PGLYRP2: variants seen among roughly 807,000 people sequenced by gnomAD.
The protein encoded by PGLYRP2 is peptidoglycan recognition protein 2, also known as N-acetylmuramoyl-L-alanine amidase.
PGLYRP2 carries 38 observed loss-of-function variants against 46.2 expected under a neutral mutation model. The ratio of observed to expected loss-of-function variants is 0.82; its 90% confidence interval spans 0.64 to 1.08. The LOEUF (loss-of-function observed/expected upper bound fraction) is 1.08, where lower values mean the gene tolerates loss of function less well. Among genes scored for constraint, PGLYRP2 ranks in the 50% least tolerant of loss-of-function variants. PGLYRP2 has a pLI of 0.00. For missense variants in PGLYRP2, 713 were observed against 755.9 expected, an observed-to-expected ratio of 0.94 and a Z score of 0.67; for synonymous variants, 289 against 329.4, an observed-to-expected ratio of 0.88 and a Z score of 1.33.
In PGLYRP2 at chr19:15,477,726, TTAAAA is replaced by T. The variant is rs55707700; in HGVS notation, c.62-1123_62-1119del. Reference sequence around the variant, plus strand: ...ATAAAATAAATAAAATAAAATTAAATTAAAATAAAATAAAATAAAATAAAATAGCC... The same window carrying T: ...ATAAAATAAATAAAATAAAATTAAATTAAAATAAAATAAAATAAAATAGCC... On this transcript the variant is annotated intron_variant, in intron 1 of 4. Coordinates refer to ENST00000340880, the MANE Select transcript of PGLYRP2 (RefSeq NM_052890.4). Among the ~76,000 whole-genome samples the T allele has an allele frequency of 7.9e-3, 1,137 of 144,394 alleles. 21 individuals are homozygous for T. Among genetic ancestry groups the T allele is most frequent in the African/African-American group, 0.027 (1,058 of 39,034 alleles). 94.7% of individuals were successfully genotyped at this position (144,394 alleles called of 152,430 possible). A position where few individuals can be genotyped will look rare whatever the true frequency, so the allele number is the denominator to read the frequency against.
At chr19:15,471,795 C>T (rs754926642) in intron 3 of PGLYRP2, 95 bp downstream of exon 3, 6 of 1,385,096 alleles carry the variant, frequency 4.3e-6, no homozygotes, top group East Asian at 4.9e-5. Flanking sequence ...CAGCTTTCCT[C>T]GGGTTCAAGC....
At position 15,476,244 on chromosome 19, in the gene PGLYRP2, C is replaced by T. The variant is rs762675911; in HGVS notation, c.426G>A (p.Leu142=). ...TCTCCCAAGGGGCAGCCATGCTGTC[C>T]AAGGGCAAATTTATGACCCTGCGCC... ...LQGRRVINLP[L]DSMAAPWETG... The change falls in exon 2 of 5, where the codon TTG becomes TTA. Residue 142 remains leucine (L), a synonymous_variant. Coordinates refer to ENST00000340880, the MANE Select transcript of PGLYRP2 (RefSeq NM_052890.4). 11 of 1,614,030 alleles carry T rather than the reference C, an allele frequency of 6.8e-6. No individual in the cohort carries two copies. The Admixed American group carries it at 8.3e-5, about 12-fold the overall frequency.
chr19:15,479,032 T>G (rs1256400882), intron 1 of PGLYRP2, among the ~76,000 whole-genome samples: 6 of 152,182 alleles, frequency 3.9e-5, no homozygotes, highest in Non-Finnish European at 8.8e-5. Context: ...ATGCCCTTTC[T>G]GGCTTCTCCC....
intron 1 of PGLYRP2, among the ~76,000 whole-genome samples, chr19:15,476,904 A>G (rs1970802934): frequency 6.6e-6 from 1 of 152,094 alleles, no homozygotes; most frequent in South Asian, 2.1e-4. Flanking sequence ...TGCCATAAGG[A>G]AATGGATTTT....
intron 2 of PGLYRP2, among the ~76,000 whole-genome samples, chr19:15,473,791 A>T (rs1395440520): frequency 6.6e-6 from 1 of 151,738 alleles, no homozygotes; most frequent in Non-Finnish European, 1.5e-5. Flanking sequence ...CCCAGAATTT[A>T]CAAGGAACTC....
chr19:15,473,113 G>A (rs867751472), intron 2 of PGLYRP2, among the ~76,000 whole-genome samples: 1 of 152,246 alleles, frequency 6.6e-6, no homozygotes, highest in Middle Eastern at 3.4e-3. Context: ...TAATGGTGCT[G>A]GGACAACTGG....
chr19:15,476,366 C>T lies in PGLYRP2; in HGVS notation c.304G>A (p.Val102Ile), dbSNP rs749892721. ...GLTKEVARHD[V>I]REGKEYGVVL... ...ACCCCATATTCCTTCCCTTCTCGTA[C>T]GTCATGTCGGGCCACCTCCTTGGTC... Residue 102 changes from valine to isoleucine, a missense_variant, in exon 2 of 5, where the codon GTA becomes ATA. Coordinates refer to ENST00000340880, the MANE Select transcript of PGLYRP2 (RefSeq NM_052890.4). 39 of 1,614,118 alleles carry T rather than the reference C, an allele frequency of 2.4e-5. No homozygotes were observed. The highest frequency in any genetic ancestry group is 1.7e-4 in the African/African-American group (13 of 75,038).
chr19:15,472,154 C>G, intron 2 of PGLYRP2, 54 bp from the exon 3 acceptor site: 1 of 1,460,404 alleles, frequency 6.8e-7, no homozygotes, highest in Non-Finnish European at 9.3e-7. Flanking sequence ...CTGCCTGTTC[C>G]TCCACCCGCA....
intron 1 of PGLYRP2, 37 bp from the exon 2 acceptor site, chr19:15,476,645 C>T (rs930350122): frequency 2.0e-6 from 3 of 1,486,020 alleles, no homozygotes; most frequent in Non-Finnish European, 2.7e-6. Flanking sequence ...CAGCCCCACC[C>T]ATTCCTGAGC....
intron 4 of PGLYRP2, chr19:15,468,959 C>A: frequency 1.9e-6 from 1 of 517,258 alleles, no homozygotes; most frequent in Admixed American, 3.6e-5. Flanking sequence ...ACGAGATTGT[C>A]CAGGTGTGAT....
chr19:15,472,594 C>T (rs1407840710), intron 2 of PGLYRP2, among the ~76,000 whole-genome samples: 1 of 148,074 alleles, frequency 6.8e-6, no homozygotes, highest in Non-Finnish European at 1.5e-5. Flanking sequence ...CTCTGTCCCC[C>T]CCAAAAAAAA....
chr19:15,475,734 T>C lies in PGLYRP2; in HGVS notation c.936A>G (p.Pro312=). ...QYYGAGVARD[P]GFRSNFRRQN... ...GCCGTCGGAAGTTGCTGCGGAACCC[T>C]GGGTCTCTGGCCACCCCAGCCCCAT... The change falls in exon 2 of 5, where the codon CCA becomes CCG. Residue 312 remains proline (P), a synonymous_variant. Transcript: ENST00000340880. The C allele has an allele frequency of 6.2e-7, 1 of 1,613,986 alleles. No individual in the cohort carries two copies. The highest frequency in any genetic ancestry group is 8.5e-7 in the Non-Finnish European group (1 of 1,179,914).
intron 2 of PGLYRP2, among the ~76,000 whole-genome samples, chr19:15,472,873 A>G (rs570209802): frequency 1.3e-5 from 2 of 152,202 alleles, no homozygotes; most frequent in Admixed American, 6.6e-5. Flanking sequence ...CCCAAATAGC[A>G]AAAGCAATTC....
chr19:15,476,482 TG>T lies in PGLYRP2; in HGVS notation c.187del (p.His63ThrfsTer24), dbSNP rs779186069. Reference sequence around the variant, plus strand: ...CAGCAGGAAGTGGTAGAGGCGATTGTGGGGGCCAGAGTTTGGAGCTGACATC... The same window carrying T: ...CAGCAGGAAGTGGTAGAGGCGATTGTGGGGCCAGAGTTTGGAGCTGACATC... ...WLMSAPNSGP[H>X]NRLYHFLLGA... is the part of the protein sequence containing the mutation. On this transcript the variant is annotated frameshift_variant, in exon 2 of 5. Coordinates refer to ENST00000340880, the MANE Select transcript of PGLYRP2 (RefSeq NM_052890.4). LOFTEE classifies it high-confidence loss of function. 1 of 1,614,146 alleles carries T rather than the reference TG, an allele frequency of 6.2e-7. No individual in the cohort carries two copies. Among genetic ancestry groups the T allele is most frequent in the South Asian group, 1.1e-5 (1 of 91,074 alleles).
At chr19:15,474,115 C>T (rs1400236072) in intron 2 of PGLYRP2, among the ~76,000 whole-genome samples, 1 of 152,112 alleles carries the variant, frequency 6.6e-6, no homozygotes. Flanking sequence ...GTGGGTGGAT[C>T]ACCTGAGGTT....
At chr19:15,468,819 G>A in intron 4 of PGLYRP2, 67 bp from the exon 5 acceptor site, 4 of 1,289,688 alleles carry the variant, frequency 3.1e-6, no homozygotes, top group Non-Finnish European at 4.4e-6. Flanking sequence ...CTGCCCTCCT[G>A]GTGGTGGAAC....
intron 3 of PGLYRP2, among the ~76,000 whole-genome samples, chr19:15,471,676 A>T (rs577579656): frequency 6.6e-6 from 1 of 152,154 alleles, no homozygotes; most frequent in Admixed American, 6.5e-5. Context: ...CCCTGACTGG[A>T]GTCCCATGAT....
intron 3 of PGLYRP2, among the ~76,000 whole-genome samples, chr19:15,470,163 C>T (rs556258169): frequency 1.4e-3 from 215 of 152,032 alleles, no homozygotes; most frequent in African/African-American, 5.0e-3. Flanking sequence ...TTCTGCCCTT[C>T]TCCTCCCCAC....
chr19:15,471,764 A>G, intron 3 of PGLYRP2, 126 bp downstream of exon 3: 1 of 1,114,076 alleles, frequency 9.0e-7, no homozygotes, highest in South Asian at 1.6e-5. Flanking sequence ...TCTACCTATC[A>G]GGACTCCTCC....
Sources: gnomAD v4.1 joint callset for allele counts (sites outside exome capture counted in the v4.1 genomes callset) on GRCh38, gnomAD v4.1.1 for gene constraint, MANE v1.5 for transcripts, NCBI Gene and HGNC (gene_info 2026-07-23, HGNC 2026-07-21) for gene names.